The following TCF4 variants were observed in gnomAD, a reference collection of about 807,000 sequenced individuals.
TCF4 encodes the protein SL3-3 enhancer factor 2.
In TCF4, 3 loss-of-function variants were observed where a neutral mutation model predicts 82.1. That is an observed-to-expected ratio of 0.04 (90% confidence interval 0.02 to 0.09). The LOEUF (loss-of-function observed/expected upper bound fraction) is 0.09. TCF4 is among the 10% of genes least tolerant of loss of function. The pLI is 1.00. For missense variants in TCF4, 518 were observed against 852.7 expected (o/e 0.61, Z 4.89); for synonymous variants, 276 against 309.6 (o/e 0.89, Z 1.14).
chr18:55,439,576 G>C (rs987823821), intron 5 of TCF4, among the ~76,000 whole-genome samples: 11 of 152,102 alleles, frequency 7.2e-5, no homozygotes, highest in African/African-American at 2.7e-4. Flanking sequence ...GTAAATACTG[G>C]CCCAATCAAG....
intron 4 of TCF4, among the ~76,000 whole-genome samples, chr18:55,462,390 G>A (rs574497478): frequency 1.3e-5 from 2 of 152,176 alleles, no homozygotes; most frequent in African/African-American, 2.4e-5. Context: ...GCACAGTGCT[G>A]TAAGGTAGAC....
chr18:55,494,948 A>C (rs1200546720), intron 3 of TCF4, among the ~76,000 whole-genome samples: 4 of 149,768 alleles, frequency 2.7e-5, no homozygotes, highest in Non-Finnish European at 5.9e-5. Flanking sequence ...TCTGAAACAG[A>C]TAATGAAGCC....
chr18:55,554,146 C>T (rs927310151), intron 3 of TCF4, among the ~76,000 whole-genome samples: 1 of 151,810 alleles, frequency 6.6e-6, no homozygotes, highest in African/African-American at 2.4e-5. Context: ...ATGACAGAAC[C>T]CTAATTCTAC....
intron 6 of TCF4, among the ~76,000 whole-genome samples, chr18:55,365,046 A>G (rs180770106): frequency 0.01 from 1,543 of 150,328 alleles, 44 homozygotes; most frequent in African/African-American, 0.035. Context: ...CCACCTACTC[A>G]AGAGGCTGAG....
intron 3 of TCF4, among the ~76,000 whole-genome samples, chr18:55,491,016 T>G (rs770555124): frequency 6.6e-6 from 1 of 151,638 alleles, no homozygotes; most frequent in South Asian, 2.1e-4. Flanking sequence ...TTCAGTTGAT[T>G]ATGGGGGAAA....
At chr18:55,232,087 A>C (rs2048081264) in intron 17 of TCF4, 1 of 182,826 alleles carries the variant, frequency 5.5e-6, no homozygotes, top group Non-Finnish European at 1.2e-5. Flanking sequence ...TTTAGGATAA[A>C]TCTAGGAAAT....
At chr18:55,523,618 T>G (rs1403884639) in intron 3 of TCF4, among the ~76,000 whole-genome samples, 1 of 152,032 alleles carries the variant, frequency 6.6e-6, no homozygotes, top group Non-Finnish European at 1.5e-5. Context: ...CTTTCCCTTT[T>G]TATTTTTTCA....
chr18:55,290,711 T>C (rs1249974137), intron 8 of TCF4, among the ~76,000 whole-genome samples: 1 of 152,154 alleles, frequency 6.6e-6, no homozygotes, highest in African/African-American at 2.4e-5. Context: ...CCATCATTCC[T>C]AAGTACCTAT....
intron 2 of TCF4, among the ~76,000 whole-genome samples, chr18:55,629,588 GGTGA>G (rs1334233896): frequency 6.6e-6 from 1 of 152,142 alleles, no homozygotes; most frequent in Non-Finnish European, 1.5e-5. Context: ...TCAGAACCCG[GGTGA>G]GTGAACGCCT....
chr18:55,226,234 T>A lies in TCF4; in HGVS notation c.*1801A>T, dbSNP rs1438822402. The A allele has an allele frequency of 2.0e-5, 3 of 152,502 alleles. No individual in the cohort carries two copies. The highest frequency in any genetic ancestry group is 7.2e-5 in the African/African-American group (3 of 41,418). The allele number at this position is 152,502 out of a possible 1,614,324, so 9.4% of individuals were successfully genotyped here. ...ACCATTTCAATGGATTTATGGCATT[T>A]ACTCAGTGCTGATAGGTGGAAAAAC... On this transcript the variant is annotated 3_prime_UTR_variant, in exon 20 of 20. Coordinates refer to ENST00000354452, the MANE Select transcript of TCF4 (RefSeq NM_001083962.2).
intron 10 of TCF4, among the ~76,000 whole-genome samples, chr18:55,271,769 C>A (rs2060432079): frequency 6.6e-6 from 1 of 151,914 alleles, no homozygotes; most frequent in African/African-American, 2.4e-5. Flanking sequence ...TATAGTGGGC[C>A]CATTCCATAG....
chr18:55,559,041 T>TAA lies in TCF4; in HGVS notation c.145+26237_145+26238dup, dbSNP rs33984019. 5.8e-3 allele frequency among the ~76,000 whole-genome samples: 641 copies of TAA among 111,272 alleles called. 5 individuals carry two copies. Among genetic ancestry groups the TAA allele is most frequent in the African/African-American group, 0.016 (484 of 29,994 alleles). The allele number at this position is 111,272 out of a possible 152,430, so 73.0% of individuals were successfully genotyped here. A position where few individuals can be genotyped will look rare whatever the true frequency, so the allele number is the denominator to read the frequency against. On this transcript the variant is annotated intron_variant, in intron 3 of 19. Transcript: ENST00000354452. ...GTATGGTTTGTATATATCTCCCCCCTAAAAAAAAAAAAAAAAATCAGTCTG... is the reference window on the plus strand; with the variant it reads ...GTATGGTTTGTATATATCTCCCCCCTAAAAAAAAAAAAAAAAAAATCAGTCTG...
chr18:55,591,335 TCA>T (rs1268736681), upstream of TCF4: 2 of 152,254 alleles, frequency 1.3e-5, no homozygotes, highest in Non-Finnish European at 2.9e-5. Context: ...AATGAAAAGA[TCA>T]CAAACGTTGG....
intron 3 of TCF4, among the ~76,000 whole-genome samples, chr18:55,534,994 T>C (rs191264804): frequency 1.3e-5 from 2 of 152,376 alleles, no homozygotes; most frequent in East Asian, 3.9e-4. Flanking sequence ...CAGGGAATTC[T>C]TGTCATCATC....
chr18:55,314,193 A>G (rs1189396623), intron 8 of TCF4, among the ~76,000 whole-genome samples: 4 of 152,144 alleles, frequency 2.6e-5, no homozygotes, highest in Non-Finnish European at 5.9e-5. Context: ...CTTGTTACAC[A>G]TTTATCCCAA....
At chr18:55,625,146 A>G (rs1175326832) in intron 2 of TCF4, among the ~76,000 whole-genome samples, 2 of 152,212 alleles carry the variant, frequency 1.3e-5, no homozygotes, top group Admixed American at 6.5e-5. Context: ...TGGAGTATCA[A>G]TTATTAAAAA....
chr18:55,410,231 A>G (rs1486871011), intron 5 of TCF4, among the ~76,000 whole-genome samples: 1 of 152,188 alleles, frequency 6.6e-6, no homozygotes, highest in Non-Finnish European at 1.5e-5. Context: ...TCCTAAAAAT[A>G]GAATACTCAG....
intron 3 of TCF4, chr18:55,495,685 C>A (rs539366654): frequency 2.0e-5 from 3 of 152,154 alleles, no homozygotes; most frequent in African/African-American, 7.2e-5. Context: ...CAGAAAAATA[C>A]ACATTTAACA....
At chr18:55,535,969 T>C (rs1209625821) in intron 3 of TCF4, among the ~76,000 whole-genome samples, 4 of 152,220 alleles carry the variant, frequency 2.6e-5, no homozygotes. Flanking sequence ...GAAGATTTTA[T>C]TTTTTTAAAG....
Sources: allele counts gnomAD v4.1 joint callset (sites outside exome capture counted in the v4.1 genomes callset), GRCh38; gene constraint gnomAD v4.1.1; transcripts MANE v1.5; gene names NCBI Gene and HGNC (gene_info 2026-07-23, HGNC 2026-07-21).